Variants in DUSP15 observed in about 807,000 individuals in gnomAD.
DUSP15 encodes dual specificity phosphatase 15, also known as dual specificity protein phosphatase 15.
DUSP15 carries 23 observed loss-of-function variants against 26.3 expected under a neutral mutation model. The ratio of observed to expected loss-of-function variants is 0.87; its 90% CI spans 0.63 to 1.24. DUSP15 has a LOEUF of 1.24. Among genes scored for constraint, DUSP15 ranks in the 50% most tolerant of loss-of-function variants. The pLI, the probability that DUSP15 is intolerant of heterozygous loss-of-function variation, is 0.00. For missense variants in DUSP15, 364 were observed against 320.6 expected (o/e 1.14, Z -1.03); for synonymous variants, 143 against 135.5 (o/e 1.06, Z -0.39).
exon 10 of DUSP15, chr20:31,847,849 G>C (rs771097379): frequency 6.6e-6 from 1 of 152,260 alleles, no homozygotes; most frequent in Non-Finnish European, 1.5e-5. Context: ...ACAGGTGCTG[G>C]TACTTCAGTG....
Position 31,861,242 on chromosome 20 carries a change from G to A in DUSP15, c.*161C>T, listed in dbSNP as rs2062641625. The A allele has an allele frequency of 3.7e-6, 5 of 1,361,360 alleles. No individual in the cohort carries two copies. Among genetic ancestry groups the A allele is most frequent in the Non-Finnish European group, 4.7e-6 (5 of 1,064,016 alleles). The allele number at this position is 1,361,360 out of a possible 1,614,324, so 84.3% of individuals were successfully genotyped here. On this transcript the variant is annotated 3_prime_UTR_variant, in exon 7 of 7. Transcript: ENST00000339738. ...ACACAGAGACGCACAGGTTGGGGAC[G>A]CTGACTGCAGACGCGGACGAGCAGG...
At chr20:31,870,583 G>T, upstream of DUSP15, 1 of 1,429,168 alleles carries the variant, frequency 7.0e-7, no homozygotes, top group Non-Finnish European at 9.1e-7. The surrounding 1 kb of genome is among the most constrained non-coding windows in gnomAD (Gnocchi z 6.6). Flanking sequence ...TACCCCTTCG[G>T]TCATGTGGGG....
chr20:31,862,894 T>C, intron 5 of DUSP15, 152 bp from the exon 6 acceptor site: 3 of 759,792 alleles, frequency 3.9e-6, no homozygotes, highest in Non-Finnish European at 6.1e-6. Flanking sequence ...CTCCAGGCCT[T>C]TGCCATGCTG....
chr20:31,845,726 G>A (rs2062371218), downstream of DUSP15: 2 of 688,480 alleles, frequency 2.9e-6, no homozygotes, highest in Non-Finnish European at 4.8e-6. Context: ...CTCCCACAAG[G>A]CCCAAAAGAG....
At chr20:31,866,954 C>T in intron 3 of DUSP15, 117 bp downstream of exon 3, 1 of 1,052,672 alleles carries the variant, frequency 9.5e-7, no homozygotes, top group Non-Finnish European at 1.4e-6. Flanking sequence ...TGGTGGAGAC[C>T]AAATGAGTTA....
chr20:31,850,512 C>T (rs2062451423), intron 7 of DUSP15: 3 of 1,250,464 alleles, frequency 2.4e-6, no homozygotes, highest in Admixed American at 2.0e-5. Context: ...GGAGCCTGGG[C>T]TGGGTGCTTT....
rs576653226 is a variant in DUSP15, at chr20:31,848,227, G to T, written c.*177C>A. The T allele has an allele frequency of 6.1e-4, 352 of 578,724 alleles. 2 individuals are homozygous for T. The Middle Eastern group carries it at 8.2e-3, about 13-fold the overall frequency. 35.8% of individuals were successfully genotyped at this position (578,724 alleles called of 1,614,324 possible). On this transcript the variant is annotated 3_prime_UTR_variant, in exon 10 of 10. Coordinates refer to the DUSP15 transcript ENST00000278979. ...CCTGCCGAAGCCCCATGCCCAGCTG[G>T]GGGGCGGTGTGGCCTACTCTCGAGT...
chr20:31,849,046 C>T (rs2062417298), intron 8 of DUSP15: 1 of 658,864 alleles, frequency 1.5e-6, no homozygotes. Flanking sequence ...GTACCCTAGG[C>T]CCACTTCCAC....
At chr20:31,847,035 C>A (rs1277262906), downstream of DUSP15, among the ~76,000 whole-genome samples, 3 of 152,234 alleles carry the variant, frequency 2.0e-5, no homozygotes, top group Middle Eastern at 3.4e-3. Flanking sequence ...AACAGTCAGG[C>A]CTTCTGGAGG....
At chr20:31,866,971 G>A (rs1304580563) in intron 3 of DUSP15, 100 bp downstream of exon 3, 3 of 1,191,372 alleles carry the variant, frequency 2.5e-6, no homozygotes, top group Non-Finnish European at 3.6e-6. Flanking sequence ...GTTAACATGA[G>A]TCAAGAAGGA....
intron 1 of DUSP15, 77 bp from the exon 2 acceptor site, chr20:31,869,674 C>G (rs1449852996): frequency 1.9e-6 from 3 of 1,573,668 alleles, no homozygotes; most frequent in Admixed American, 3.7e-5. Flanking sequence ...GGGGGGCCCA[C>G]AGCCCCTCTC....
At chr20:31,867,634 T>TG (rs2062799197) in intron 2 of DUSP15, among the ~76,000 whole-genome samples, 1 of 17,844 alleles carries the variant, frequency 5.6e-5, no homozygotes, top group Admixed American at 4.6e-4. Context: ...CCACAATGTT[T>TG]TTTTTTTTTT....
downstream of DUSP15, chr20:31,845,701 T>A: frequency 1.2e-6 from 1 of 825,578 alleles, no homozygotes; most frequent in Non-Finnish European, 1.9e-6. Context: ...CATCCTCCCC[T>A]CCTCCCTCGC....
intron 5 of DUSP15, chr20:31,863,651 C>A (rs1006631509): frequency 8.6e-6 from 4 of 467,750 alleles, no homozygotes; most frequent in Non-Finnish European, 1.2e-5. Flanking sequence ...CCCATCAGGT[C>A]AGCTTTCTTT....
intron 9 of DUSP15, chr20:31,848,610 G>T (rs1279456634): frequency 6.0e-6 from 9 of 1,508,128 alleles, no homozygotes; most frequent in African/African-American, 5.6e-5. Flanking sequence ...TCCATTTCCC[G>T]CCTCGGATGT....
chr20:31,861,669 G>T lies in DUSP15; in HGVS notation c.442C>A (p.Arg148=). 5 of 1,474,256 alleles carry T rather than the reference G, an allele frequency of 3.4e-6. No homozygotes were observed. Among genetic ancestry groups the T allele is most frequent in the Non-Finnish European group, 4.5e-6 (5 of 1,120,854 alleles). 91.3% of individuals were successfully genotyped at this position (1,474,256 alleles called of 1,614,324 possible). Residue 148 remains arginine (R), a synonymous_variant, in exon 7 of 7, where the codon CGG becomes AGG. Coordinates refer to ENST00000339738, the MANE Select transcript of DUSP15 (RefSeq NM_080611.5). Reference sequence around the variant, plus strand: ...TCGCCGAAGCGCTCCTCCAGCTGCCGGCGAAGCTGGGGTGGGCGGGTGAGG... The same window carrying T: ...TCGCCGAAGCGCTCCTCCAGCTGCCTGCGAAGCTGGGGTGGGCGGGTGAGG... ...FGWASSQKLR[R]QLEERFGESP...
downstream of DUSP15, among the ~76,000 whole-genome samples, chr20:31,858,713 C>G (rs546507045): frequency 6.6e-6 from 1 of 152,322 alleles, no homozygotes; most frequent in South Asian, 2.1e-4. The surrounding 1 kb of genome is among the most constrained non-coding windows in gnomAD (Gnocchi z 4.4). Flanking sequence ...CCCAGCCCAC[C>G]TGGAAATTTG....
downstream of DUSP15, chr20:31,861,028 C>CAGG: frequency 9.5e-7 from 1 of 1,053,912 alleles, no homozygotes; most frequent in South Asian, 4.3e-5. Flanking sequence ...TGGCAGAATC[C>CAGG]TGCTGCCCCG....
exon 10 of DUSP15, chr20:31,848,433 G>C (rs767420223): frequency 6.2e-7 from 1 of 1,611,768 alleles, no homozygotes; most frequent in Non-Finnish European, 8.5e-7. Flanking sequence ...GAAGCGGCTC[G>C]CTTAGGATGG....
Sources: allele counts gnomAD v4.1 joint callset (sites outside exome capture counted in the v4.1 genomes callset), GRCh38; gene constraint gnomAD v4.1.1; non-coding constraint Gnocchi (gnomAD v3.1); transcripts MANE v1.5; gene names NCBI Gene and HGNC (gene_info 2026-07-23, HGNC 2026-07-21).